Variants in PCDH7 observed in about 807,000 individuals in gnomAD.
PCDH7 encodes the protein protocadherin 7, also known as protocadherin-7.
Under a neutral mutation model 58.9 loss-of-function variants are expected in PCDH7, and 17 were observed. The ratio of observed to expected loss-of-function variants is 0.29; its 90% confidence interval spans 0.20 to 0.43. PCDH7 has a LOEUF of 0.43. Among genes scored for constraint, PCDH7 ranks in the 20% least tolerant of loss-of-function variants. The pLI, the probability that PCDH7 is intolerant of heterozygous loss-of-function variation, is 1.00. For missense variants in PCDH7, 1,274 were observed against 1,441.0 expected, an observed-to-expected ratio of 0.88 and a Z score of 1.88; for synonymous variants, 664 against 616.4, an observed-to-expected ratio of 1.08 and a Z score of -1.14.
chr4:30,748,578 G>C (rs1718077684), intron 1 of PCDH7, among the ~76,000 whole-genome samples: 2 of 152,136 alleles, frequency 1.3e-5, no homozygotes, highest in Non-Finnish European at 2.9e-5. Flanking sequence ...ATCTCTTTGT[G>C]AGATGAATAT....
chr4:30,843,296 G>C (rs759270234), intron 1 of PCDH7, among the ~76,000 whole-genome samples: 22 of 152,018 alleles, frequency 1.4e-4, no homozygotes, highest in Non-Finnish European at 3.1e-4. Context: ...CCACCTCCCG[G>C]ACTCAAGTGA....
rs1719964814 is a variant in PCDH7 at position 30,761,135 on chromosome 4, T to C, written c.70+36539T>C. ...AGCCAAATCTCTCAGGACTTTTAGC[T>C]GGAACATCCAGATGAGGATGGGTTC... On this transcript the variant is annotated intron_variant, in intron 1 of 3. Transcript: ENST00000509759. 2.0e-5 allele frequency among the ~76,000 whole-genome samples: 3 copies of C among 152,326 alleles called. No homozygotes were observed. In the South Asian group the frequency reaches 6.2e-4, roughly 32 times the overall value.
At chr4:31,035,296 CAGGCTGGAGTGCAGTGGCACA>C (rs1299429127) in intron 3 of PCDH7, among the ~76,000 whole-genome samples, 4 of 141,340 alleles carry the variant, frequency 2.8e-5, no homozygotes, top group Non-Finnish European at 6.0e-5. Flanking sequence ...CTCTGTTGCC[CAGGCTGGAGTGCAGTGGCACA>C]ACCTCGGCTC....
intron 2 of PCDH7, among the ~76,000 whole-genome samples, chr4:30,938,014 G>A (rs959115752): frequency 8.6e-5 from 13 of 151,746 alleles, no homozygotes; most frequent in African/African-American, 3.1e-4. Flanking sequence ...ACAATCAGTG[G>A]TAAGGCTTTC....
intron 1 of PCDH7, among the ~76,000 whole-genome samples, chr4:30,743,151 T>C (rs2109250403): frequency 6.6e-6 from 1 of 152,156 alleles, no homozygotes; most frequent in Non-Finnish European, 1.5e-5. Context: ...AAAATAATGA[T>C]GCCAAAAACT....
intron 3 of PCDH7, among the ~76,000 whole-genome samples, chr4:31,130,599 T>C (rs1384513891): frequency 1.3e-5 from 2 of 152,146 alleles, no homozygotes; most frequent in Admixed American, 6.5e-5. Flanking sequence ...TTTATTTAAA[T>C]CCTATAGACC....
chr4:31,055,182 T>C (rs1280782629), intron 3 of PCDH7, among the ~76,000 whole-genome samples: 1 of 152,208 alleles, frequency 6.6e-6, no homozygotes, highest in East Asian at 1.9e-4. Context: ...GTCATCCATC[T>C]TCAAGTGAAA....
chr4:30,794,266 A>C (rs898445750), intron 1 of PCDH7, among the ~76,000 whole-genome samples: 7 of 152,236 alleles, frequency 4.6e-5, no homozygotes, highest in Admixed American at 3.3e-4. Context: ...GCTGCTTACT[A>C]TTCAAAACAT....
intron 1 of PCDH7, among the ~76,000 whole-genome samples, chr4:30,739,009 A>G (rs1408210873): frequency 6.6e-6 from 1 of 151,678 alleles, no homozygotes; most frequent in Non-Finnish European, 1.5e-5. Context: ...AGACCAATCC[A>G]TGGACAAATT....
chr4:30,944,913 G>T (rs1746487505), intron 2 of PCDH7, among the ~76,000 whole-genome samples: 1 of 152,052 alleles, frequency 6.6e-6, no homozygotes, highest in South Asian at 2.1e-4. Context: ...GAGATTTTTA[G>T]GGAGCAGGCT....
intron 3 of PCDH7, among the ~76,000 whole-genome samples, chr4:31,106,428 T>C (rs1715587002): frequency 6.6e-6 from 1 of 152,236 alleles, no homozygotes; most frequent in African/African-American, 2.4e-5. Flanking sequence ...GTGCTAACTA[T>C]AGAATGTAGC....
intron 1 of PCDH7, among the ~76,000 whole-genome samples, chr4:30,900,929 C>T (rs1740130240): frequency 6.6e-6 from 1 of 152,286 alleles, no homozygotes; most frequent in South Asian, 2.1e-4. Flanking sequence ...ATATGTCTTT[C>T]ATGTCTTATG....
At chr4:30,862,969 TC>T (rs1560445868) in intron 1 of PCDH7, among the ~76,000 whole-genome samples, 2 of 152,148 alleles carry the variant, frequency 1.3e-5, no homozygotes, top group Admixed American at 1.3e-4. Context: ...AAAAAGATTT[TC>T]CAACTGTATA....
chr4:30,723,080 G>T lies in PCDH7; in HGVS notation c.1658G>T (p.Arg553Met). The T allele has an allele frequency of 6.2e-7, 1 of 1,613,912 alleles. No individual in the cohort carries two copies. The highest frequency in any genetic ancestry group is 8.5e-7 in the Non-Finnish European group (1 of 1,180,038). ...CCTGAGAACAACATCCCGGGCGAGAGGGTGGCCACGGTGCTGGCGACAGAC... is the reference window on the plus strand; with the variant it reads ...CCTGAGAACAACATCCCGGGCGAGATGGTGGCCACGGTGCTGGCGACAGAC... Residue 553 changes from arginine to methionine, a missense_variant, in exon 1 of 2, where the codon AGG (arginine) becomes ATG (methionine). Coordinates refer to ENST00000361762, the Ensembl canonical transcript of PCDH7. The surrounding 1 kb of genome is among the most constrained non-coding windows in gnomAD (Gnocchi z 4.6).
At chr4:30,880,054 A>G (rs1414468268) in intron 1 of PCDH7, among the ~76,000 whole-genome samples, 1 of 152,138 alleles carries the variant, frequency 6.6e-6, no homozygotes, top group Non-Finnish European at 1.5e-5. Flanking sequence ...TCAGTATACC[A>G]GATTGACTCA....
Position 30,720,723 on chromosome 4 carries a change from C to G in PCDH7, c.-700C>G, listed in dbSNP as rs1298716635. The G allele has an allele frequency of 6.6e-6, 1 of 152,584 alleles. No homozygotes were observed. The highest frequency in any genetic ancestry group is 1.9e-4 in the East Asian group (1 of 5,168). The allele number at this position is 152,584 out of a possible 1,614,324, so 9.5% of individuals were successfully genotyped here. On this transcript the variant is annotated 5_prime_UTR_variant, in exon 1 of 2. Coordinates refer to ENST00000361762, the Ensembl canonical transcript of PCDH7. The surrounding 1 kb of genome is among the most constrained non-coding windows in gnomAD (Gnocchi z 4.7). Reference sequence around the variant, plus strand: ...CTCCCCTGCACCGTGCCCGAAGCGACGTGCCGGGGGATTTTTCATTCTCGA... The same window carrying G: ...CTCCCCTGCACCGTGCCCGAAGCGAGGTGCCGGGGGATTTTTCATTCTCGA...
intron 1 of PCDH7, among the ~76,000 whole-genome samples, chr4:30,794,964 A>C (rs759062796): frequency 2.6e-4 from 39 of 152,124 alleles, no homozygotes; most frequent in Non-Finnish European, 3.4e-4. Flanking sequence ...TGATCTTTCA[A>C]TTTAAATCCA....
chr4:30,972,339 T>C (rs1749665742), intron 3 of PCDH7, among the ~76,000 whole-genome samples: 2 of 152,226 alleles, frequency 1.3e-5, no homozygotes, highest in Non-Finnish European at 2.9e-5. Flanking sequence ...CTTTGATTTT[T>C]GTGTTTTTGT....
chr4:30,788,617 A>T (rs1723720125), intron 1 of PCDH7, among the ~76,000 whole-genome samples: 1 of 152,170 alleles, frequency 6.6e-6, no homozygotes, highest in Admixed American at 6.5e-5. Flanking sequence ...GGGACATAAA[A>T]TAGGTTCATA....
Sources: allele counts gnomAD v4.1 joint callset (sites outside exome capture counted in the v4.1 genomes callset), GRCh38; gene constraint gnomAD v4.1.1; non-coding constraint Gnocchi (gnomAD v3.1); transcripts MANE v1.5; gene names NCBI Gene and HGNC (gene_info 2026-07-23, HGNC 2026-07-21).